NMS: variants seen among roughly 807,000 people sequenced by gnomAD.
The protein encoded by NMS is neuromedin S, also known as neuromedin-S.
Under a neutral mutation model 32.2 loss-of-function variants are expected in NMS, and 30 were observed. That is an observed-to-expected ratio of 0.93 (90% CI 0.70 to 1.26). The LOEUF is 1.26. NMS is among the 50% of genes most tolerant of loss of function. The pLI, the probability that NMS is intolerant of heterozygous loss-of-function variation, is 0.00. For missense variants in NMS, 190 were observed against 186.3 expected (o/e 1.02, Z -0.12); for synonymous variants, 76 against 58.5 (o/e 1.30, Z -1.37).
chr2:100,474,528 G>A (rs1191109881), intron 3 of NMS, among the ~76,000 whole-genome samples: 1 of 152,174 alleles, frequency 6.6e-6, no homozygotes, highest in Non-Finnish European at 1.5e-5. Flanking sequence ...TCAAAATCCA[G>A]CTCTGTTTAA....
At chr2:100,473,060 A>T (rs559890583) in intron 2 of NMS, among the ~76,000 whole-genome samples, 1 of 152,338 alleles carries the variant, frequency 6.6e-6, no homozygotes, top group South Asian at 2.1e-4. Context: ...TGAGGTTCAG[A>T]AATAGGACAA....
intron 6 of NMS, 22 bp downstream of exon 6, chr2:100,479,449 C>T (rs1677174626): frequency 7.5e-6 from 12 of 1,599,514 alleles, no homozygotes; most frequent in Middle Eastern, 1.7e-4. Context: ...TATTCTTCCA[C>T]CATAGTTTAT....
At chr2:100,477,736 T>C (rs1677139399) in intron 5 of NMS, among the ~76,000 whole-genome samples, 1 of 152,184 alleles carries the variant, frequency 6.6e-6, no homozygotes, top group Non-Finnish European at 1.5e-5. Context: ...TACATTGTTT[T>C]TTCTTGCCAT....
intron 5 of NMS, among the ~76,000 whole-genome samples, chr2:100,478,612 G>A (rs1677157598): frequency 1.3e-5 from 2 of 152,038 alleles, no homozygotes; most frequent in African/African-American, 2.4e-5. Context: ...CTACAAGCAC[G>A]TGCCACCACA....
chr2:100,473,943 C>A (rs1410039087), intron 3 of NMS, among the ~76,000 whole-genome samples: 7 of 152,018 alleles, frequency 4.6e-5, no homozygotes, highest in Admixed American at 4.6e-4. Flanking sequence ...TTTGGGAGGC[C>A]GAGCTGGGCA....
At chr2:100,478,961 T>C (rs574243033) in intron 5 of NMS, among the ~76,000 whole-genome samples, 2 of 152,290 alleles carry the variant, frequency 1.3e-5, no homozygotes, top group South Asian at 4.1e-4. Flanking sequence ...CAGAAGTGCT[T>C]GGGGAGGGTT....
intron 1 of NMS, among the ~76,000 whole-genome samples, chr2:100,471,982 A>G (rs1189402232): frequency 4.6e-5 from 7 of 152,130 alleles, no homozygotes; most frequent in Admixed American, 4.6e-4. Flanking sequence ...TTATCTTTTA[A>G]GGTTTAGGCA....
chr2:100,481,640 G>GA (rs1677218022), intron 8 of NMS, among the ~76,000 whole-genome samples: 1 of 152,280 alleles, frequency 6.6e-6, no homozygotes, highest in South Asian at 2.1e-4. Flanking sequence ...TATTTGCACA[G>GA]AAAAAATGAG....
Position 100,477,414 on chromosome 2 carries a change from GGTCA to G in NMS, c.261+3_261+6del. ...AGGCAACACATCCAGTTAAAACTGG[GGTCA>G]GTATTTTATTATAATCATCTGTCTG... On this transcript the variant is annotated splice_donor_variant and splice_donor_region_variant and intron_variant, in intron 5 of 9. Transcript: ENST00000376865. LOFTEE classifies it high-confidence loss of function. 6.2e-7 allele frequency: 1 copy of G among 1,608,740 alleles called. No homozygotes were observed. The highest frequency in any genetic ancestry group is 8.5e-7 in the Non-Finnish European group (1 of 1,175,518).
intron 7 of NMS, among the ~76,000 whole-genome samples, chr2:100,480,786 G>A (rs1218241597): frequency 1.3e-5 from 2 of 152,220 alleles, no homozygotes; most frequent in Non-Finnish European, 2.9e-5. Flanking sequence ...CCTGGAGCCA[G>A]CTACTACTGA....
Position 100,472,781 on chromosome 2 carries a change from A to G in NMS, c.77-14A>G, listed in dbSNP as rs1320435982. 6.3e-7 allele frequency: 1 copy of G among 1,579,990 alleles called. No homozygotes were observed. Among genetic ancestry groups the G allele is most frequent in the Admixed American group, 1.7e-5 (1 of 59,256 alleles). Reference sequence around the variant, plus strand: ...CTTTTCTCTAATTAATAATTTTATGATTTCTCACAATAGGATTTCCTCAAC... The same window carrying G: ...CTTTTCTCTAATTAATAATTTTATGGTTTCTCACAATAGGATTTCCTCAAC... On this transcript the variant is annotated splice_polypyrimidine_tract_variant and intron_variant, in intron 1 of 9. Transcript: ENST00000376865.
chr2:100,473,569 A>G, intron 3 of NMS, 30 bp downstream of exon 3: 1 of 817,886 alleles, frequency 1.2e-6, no homozygotes, highest in Non-Finnish European at 1.7e-6. Flanking sequence ...TATAATATAT[A>G]TAAAATATAT....
chr2:100,473,535 C>T lies in NMS; in HGVS notation c.179C>T (p.Pro60Leu). The change falls in exon 3 of 10, where the codon CCT (proline) becomes CTT (leucine). Residue 60 changes from proline to leucine, a missense_variant. Physicochemically the swap from Pro to Leu is moderately conservative, Grantham distance 98 (BLOSUM62 -3). Transcript: ENST00000376865. ...LSQWAPLSRQ[P>L]KDNQDIYKRF... ...CAGTGGGCACCTCTTTCTCGCCAAC[C>T]TAAGGTAAAAAAATGTGTATATATA... 1 of 1,426,190 alleles carries T rather than the reference C, an allele frequency of 7.0e-7. No individual in the cohort carries two copies. The allele number at this position is 1,426,190 out of a possible 1,614,324, so 88.3% of individuals were successfully genotyped here.
intron 3 of NMS, among the ~76,000 whole-genome samples, chr2:100,476,074 G>A (rs1677105831): frequency 6.6e-6 from 1 of 151,728 alleles, no homozygotes; most frequent in Non-Finnish European, 1.5e-5. Context: ...CGGGTATTTA[G>A]CACCAGGAAA....
At chr2:100,482,559 C>T (rs547527620) in intron 9 of NMS, among the ~76,000 whole-genome samples, 3 of 152,102 alleles carry the variant, frequency 2.0e-5, no homozygotes, top group African/African-American at 4.8e-5. Context: ...CCCAGCTCTT[C>T]GGAGGCATGT....
At chr2:100,473,260 C>T (rs1677040200) in intron 2 of NMS, among the ~76,000 whole-genome samples, 2 of 152,088 alleles carry the variant, frequency 1.3e-5, no homozygotes, top group East Asian at 1.9e-4. Context: ...GGATATTAAA[C>T]ATTTACCTTA....
intron 7 of NMS, among the ~76,000 whole-genome samples, chr2:100,480,769 T>G (rs569404682): frequency 7.2e-4 from 109 of 152,262 alleles, no homozygotes; most frequent in African/African-American, 2.6e-3. Context: ...GCCCCAGAGA[T>G]GAGTCCCCTG....
intron 7 of NMS, among the ~76,000 whole-genome samples, chr2:100,480,852 G>A (rs2104339286): frequency 6.6e-6 from 1 of 152,254 alleles, no homozygotes; most frequent in East Asian, 1.9e-4. Context: ...CTCCAATAGA[G>A]GTACTGCCAG....
chr2:100,470,486 A>T lies in NMS; in HGVS notation c.-3A>T. 1 of 1,612,852 alleles carries T rather than the reference A, an allele frequency of 6.2e-7. No individual in the cohort carries two copies. Among genetic ancestry groups the T allele is most frequent in the Non-Finnish European group, 8.5e-7 (1 of 1,178,890 alleles). ...GCCAGCAAGGAGAAACCAGACTCTC[A>T]CAATGAAACATCTTCGTCCCCAGTT... On this transcript the variant is annotated 5_prime_UTR_variant, in exon 1 of 10. Transcript: ENST00000376865.
Sources: allele counts gnomAD v4.1 joint callset (sites outside exome capture counted in the v4.1 genomes callset), GRCh38; gene constraint gnomAD v4.1.1; transcripts MANE v1.5; gene names NCBI Gene and HGNC (gene_info 2026-07-23, HGNC 2026-07-21).